The following PDSS2 variants were observed in gnomAD, a reference collection of about 807,000 sequenced individuals.
The protein encoded by PDSS2 is decaprenyl diphosphate synthase subunit 2, also known as all trans-polyprenyl-diphosphate synthase PDSS2.
In PDSS2, 31 loss-of-function variants were observed where a neutral mutation model predicts 44.5. The observed-to-expected ratio is 0.70, with a 90% CI of 0.52 to 0.94. The LOEUF (loss-of-function observed/expected upper bound fraction) is 0.94, where lower values mean the gene tolerates loss of function less well. Ranked by LOEUF, PDSS2 falls within the 40% of genes least tolerant of loss-of-function variation. PDSS2 has a pLI of 0.00. For missense variants in PDSS2, 452 were observed against 482.2 expected, an observed-to-expected ratio of 0.94 and a Z score of 0.59; for synonymous variants, 157 against 180.3, an observed-to-expected ratio of 0.87 and a Z score of 1.03.
chr6:107,213,815 A>C (rs1319889821), intron 4 of PDSS2, among the ~76,000 whole-genome samples: 1 of 152,160 alleles, frequency 6.6e-6, no homozygotes, highest in Non-Finnish European at 1.5e-5. Flanking sequence ...ATCTATTATA[A>C]TGGAGAATGA....
At chr6:107,326,036 A>G (rs778847712) in intron 2 of PDSS2, among the ~76,000 whole-genome samples, 1 of 152,178 alleles carries the variant, frequency 6.6e-6, no homozygotes, top group Non-Finnish European at 1.5e-5. Flanking sequence ...TCTATATGCT[A>G]GAAACATGCT....
intron 1 of PDSS2, among the ~76,000 whole-genome samples, chr6:107,416,385 G>C (rs1285411717): frequency 6.6e-6 from 1 of 152,104 alleles, no homozygotes; most frequent in Non-Finnish European, 1.5e-5. Context: ...TATGATTACA[G>C]GCTGATTATT....
chr6:107,221,343 A>G (rs61315837), intron 4 of PDSS2, among the ~76,000 whole-genome samples: 341 of 11,312 alleles, frequency 0.03, 3 homozygotes, highest in African/African-American at 0.21. Context: ...CTCCGTCTCG[A>G]AAAAAAAAAA....
At chr6:107,408,899 C>T (rs904387072) in intron 1 of PDSS2, among the ~76,000 whole-genome samples, 8 of 152,140 alleles carry the variant, frequency 5.3e-5, no homozygotes, top group African/African-American at 1.7e-4. Flanking sequence ...GGAAACAATA[C>T]TTCCTAGTTA....
chr6:107,454,912 T>C (rs1781987392), intron 1 of PDSS2, among the ~76,000 whole-genome samples: 1 of 152,208 alleles, frequency 6.6e-6, no homozygotes. Context: ...GAAATAACTG[T>C]GTACAGTGTA....
intron 1 of PDSS2, among the ~76,000 whole-genome samples, chr6:107,391,329 AG>A: frequency 6.6e-6 from 1 of 152,152 alleles, no homozygotes. Context: ...GAATAAAGAA[AG>A]GCAGTGAAAA....
intron 1 of PDSS2, among the ~76,000 whole-genome samples, chr6:107,457,712 T>C (rs1036095223): frequency 1.3e-5 from 2 of 152,124 alleles, no homozygotes; most frequent in Non-Finnish European, 2.9e-5. Context: ...GAAAGAGATA[T>C]AACAACTAAA....
At chr6:107,173,258 G>C (rs1051528229) in intron 7 of PDSS2, among the ~76,000 whole-genome samples, 4 of 151,822 alleles carry the variant, frequency 2.6e-5, no homozygotes, top group Non-Finnish European at 1.5e-5. Context: ...CCTAGGAAAT[G>C]TTTAGTAGTG....
chr6:107,415,510 C>T (rs1238200051), intron 1 of PDSS2, among the ~76,000 whole-genome samples: 3 of 151,774 alleles, frequency 2.0e-5, no homozygotes, highest in Non-Finnish European at 2.9e-5. Context: ...TGCTAAGACA[C>T]CAAGCAGAAT....
intron 1 of PDSS2, among the ~76,000 whole-genome samples, chr6:107,336,543 C>G (rs560706853): frequency 4.1e-4 from 63 of 152,156 alleles, no homozygotes; most frequent in African/African-American, 1.3e-3. Context: ...AAATAATCAT[C>G]AGAAATGTCC....
chr6:107,343,720 AC>A (rs1778150668), intron 1 of PDSS2, among the ~76,000 whole-genome samples: 1 of 152,230 alleles, frequency 6.6e-6, no homozygotes, highest in Non-Finnish European at 1.5e-5. Flanking sequence ...GAGGCCAAGG[AC>A]AAAAACTAGA....
chr6:107,301,732 G>C (rs34974908), intron 2 of PDSS2, among the ~76,000 whole-genome samples: 2,836 of 152,070 alleles, frequency 0.019, 59 homozygotes, highest in Admixed American at 0.065. Context: ...TTGAGGCTGA[G>C]GCAGGCAGAT....
chr6:107,309,911 A>G (rs1434230129), intron 2 of PDSS2, among the ~76,000 whole-genome samples: 1 of 152,210 alleles, frequency 6.6e-6, no homozygotes, highest in Admixed American at 6.5e-5. Context: ...GATTGCCATA[A>G]CAAAATACCA....
At chr6:107,173,277 T>C (rs1268486140) in intron 7 of PDSS2, among the ~76,000 whole-genome samples, 1 of 151,114 alleles carries the variant, frequency 6.6e-6, no homozygotes, top group African/African-American at 2.4e-5. Context: ...TGGATTTATA[T>C]TGAACAGGAA....
At chr6:107,381,161 C>T (rs984189994) in intron 1 of PDSS2, among the ~76,000 whole-genome samples, 1 of 152,062 alleles carries the variant, frequency 6.6e-6, no homozygotes, top group Admixed American at 6.6e-5. Context: ...GCACATAGCA[C>T]GTATTTAATA....
chr6:107,251,856 T>G (rs1015614262), intron 3 of PDSS2, among the ~76,000 whole-genome samples: 1 of 152,188 alleles, frequency 6.6e-6, no homozygotes, highest in Non-Finnish European at 1.5e-5. Flanking sequence ...CACAAACTAT[T>G]TGTGAGACGC....
Position 107,154,444 on chromosome 6 carries a change from C to T in PDSS2, c.*175G>A. 17 of 626,168 alleles carry T rather than the reference C, an allele frequency of 2.7e-5. No homozygotes were observed. The highest frequency in any genetic ancestry group is 2.2e-4 in the Admixed American group (8 of 36,004). The allele number at this position is 626,168 out of a possible 1,614,324, so 38.8% of individuals were successfully genotyped here. ...GAAAACTGCTTGACCTTTTTTTCTT[C>T]TAATTTTGTTTGTAGCAGTTCCAAA... On this transcript the variant is annotated 3_prime_UTR_variant, in exon 8 of 8. Transcript: ENST00000369037.
intron 7 of PDSS2, among the ~76,000 whole-genome samples, chr6:107,159,319 G>A (rs990630335): frequency 6.9e-6 from 1 of 145,746 alleles, no homozygotes; most frequent in African/African-American, 2.5e-5. Flanking sequence ...GCGGAAGGGA[G>A]GGAGGGAAGG....
chr6:107,264,322 A>G, intron 3 of PDSS2: 1 of 1,449,296 alleles, frequency 6.9e-7, no homozygotes. Flanking sequence ...AAGTTAACAT[A>G]AGGAAATACA....
Sources: gnomAD v4.1 joint callset for allele counts (sites outside exome capture counted in the v4.1 genomes callset) on GRCh38, gnomAD v4.1.1 for gene constraint, MANE v1.5 for transcripts, NCBI Gene and HGNC (gene_info 2026-07-23, HGNC 2026-07-21) for gene names.